Variants in LRRC37A2 observed in about 807,000 individuals in gnomAD.
The protein encoded by LRRC37A2 is leucine-rich repeat-containing protein 37A2.
LRRC37A2 carries 9 observed loss-of-function variants against 68.8 expected under a neutral mutation model. The ratio of observed to expected loss-of-function variants is 0.13; its 90% CI spans 0.08 to 0.23. The LOEUF (loss-of-function observed/expected upper bound fraction) is 0.23, where lower values mean the gene tolerates loss of function less well. Among genes scored for constraint, LRRC37A2 ranks in the 10% least tolerant of loss-of-function variants. The pLI is 1.00. For synonymous variants in LRRC37A2, 63 were observed against 367.6 expected (o/e 0.17, Z 9.48); for missense variants, 168 against 950.4 (o/e 0.18, Z 10.82).
the LRRC37A2 span, among the ~76,000 whole-genome samples, chr17:46,896,404 A>AAG: frequency 1.4e-5 from 1 of 71,822 alleles, no homozygotes; most frequent in Admixed American, 1.5e-4. Context: ...GAAAGAAAGA[A>AAG]AGAAAGAAAG....
chr17:46,748,729 T>C, the LRRC37A2 span, among the ~76,000 whole-genome samples: 1 of 152,214 alleles, frequency 6.6e-6, no homozygotes, highest in Admixed American at 6.5e-5. Context: ...AACACAACTT[T>C]AAACTATGTA....
At chr17:46,858,293 G>A in the LRRC37A2 span, among the ~76,000 whole-genome samples, 3 of 152,002 alleles carry the variant, frequency 2.0e-5, no homozygotes, top group East Asian at 1.9e-4. Flanking sequence ...ATTCCTGCCC[G>A]TGACTTGCCG....
the LRRC37A2 span, chr17:46,936,215 C>A: frequency 2.0e-6 from 2 of 985,306 alleles, no homozygotes; most frequent in African/African-American, 3.5e-5. Flanking sequence ...GTTGATTAGT[C>A]TGCCCTTTCT....
the LRRC37A2 span, among the ~76,000 whole-genome samples, chr17:46,593,032 ACT>A: frequency 2.1e-5 from 2 of 93,404 alleles, no homozygotes; most frequent in African/African-American, 8.3e-5. Flanking sequence ...AGGGCCAAAG[ACT>A]CTGGTTTGGG....
chr17:46,498,563 A>G, the LRRC37A2 span, among the ~76,000 whole-genome samples: 1 of 140,806 alleles, frequency 7.1e-6, no homozygotes, highest in African/African-American at 3.0e-5. Context: ...TCAATCCAGA[A>G]TTCTATATCC....
the LRRC37A2 span, among the ~76,000 whole-genome samples, chr17:46,903,387 G>C: frequency 6.6e-6 from 1 of 152,088 alleles, no homozygotes; most frequent in Non-Finnish European, 1.5e-5. Flanking sequence ...ACCATGAGCT[G>C]AACTGGCAGG....
At chr17:47,020,093 T>C in the LRRC37A2 span, among the ~76,000 whole-genome samples, 1 of 150,862 alleles carries the variant, frequency 6.6e-6, no homozygotes, top group Non-Finnish European at 1.5e-5. Flanking sequence ...TCACCCTCTT[T>C]ACAGCAGCCT....
At chr17:46,416,823 C>T in the LRRC37A2 span, among the ~76,000 whole-genome samples, 1 of 89,526 alleles carries the variant, frequency 1.1e-5, no homozygotes, top group Non-Finnish European at 2.6e-5. Flanking sequence ...ATCGGCCGTT[C>T]GTGGTGGCTC....
At chr17:46,773,646 C>A in the LRRC37A2 span, 19 of 1,458,902 alleles carry the variant, frequency 1.3e-5, no homozygotes, top group East Asian at 3.8e-4. Context: ...CCCCTCCCCC[C>A]CCCTCAGCCC....
the LRRC37A2 span, among the ~76,000 whole-genome samples, chr17:46,715,792 T>C: frequency 6.6e-6 from 1 of 152,258 alleles, no homozygotes; most frequent in Non-Finnish European, 1.5e-5. Context: ...TTATTTAATC[T>C]TCAAATTGTT....
the LRRC37A2 span, among the ~76,000 whole-genome samples, chr17:46,789,629 A>G: frequency 1.3e-5 from 2 of 152,228 alleles, no homozygotes; most frequent in Non-Finnish European, 2.9e-5. Flanking sequence ...AACAAACCAA[A>G]TGACACCATG....
chr17:46,386,229 G>C, the LRRC37A2 span, among the ~76,000 whole-genome samples: 1 of 113,362 alleles, frequency 8.8e-6, no homozygotes, highest in African/African-American at 3.0e-5. Flanking sequence ...CTCCCGAGTA[G>C]CTGGGGCCAC....
the LRRC37A2 span, among the ~76,000 whole-genome samples, chr17:46,889,699 C>A: frequency 2.0e-5 from 3 of 152,146 alleles, no homozygotes; most frequent in Admixed American, 2.0e-4. Flanking sequence ...GCCACAGACA[C>A]CAAGCCCTTG....
the LRRC37A2 span, among the ~76,000 whole-genome samples, chr17:46,875,719 A>G: frequency 6.6e-6 from 1 of 152,250 alleles, no homozygotes; most frequent in East Asian, 1.9e-4. Context: ...GAAGCCCAAC[A>G]TTGTTTGAAA....
chr17:46,679,079 G>A, the LRRC37A2 span, among the ~76,000 whole-genome samples: 1 of 151,958 alleles, frequency 6.6e-6, no homozygotes, highest in Non-Finnish European at 1.5e-5. Context: ...CTAAAGTATA[G>A]TGTTTAACAA....
the LRRC37A2 span, among the ~76,000 whole-genome samples, chr17:46,934,242 C>A: frequency 7.0e-6 from 1 of 143,202 alleles, no homozygotes; most frequent in Admixed American, 6.8e-5. Flanking sequence ...CCTCTCTGGG[C>A]ATTTTTTCAT....
At chr17:46,721,952 A>C in the LRRC37A2 span, 1 of 1,604,446 alleles carries the variant, frequency 6.2e-7, no homozygotes, top group Non-Finnish European at 8.5e-7. Context: ...GATTTTCTGG[A>C]AAGATTTCAG....
At chr17:46,882,674 C>T in the LRRC37A2 span, among the ~76,000 whole-genome samples, 17 of 152,180 alleles carry the variant, frequency 1.1e-4, no homozygotes, top group African/African-American at 3.9e-4. Context: ...CTTTCCGATT[C>T]TTGACTTCGC....
chr17:46,695,209 G>T, the LRRC37A2 span, among the ~76,000 whole-genome samples: 120 of 133,288 alleles, frequency 9.0e-4, no homozygotes, highest in African/African-American at 3.5e-3. Context: ...TTGCGCCACT[G>T]CACTCCAGCC....
Sources: allele counts gnomAD v4.1 joint callset (sites outside exome capture counted in the v4.1 genomes callset), GRCh38; gene constraint gnomAD v4.1.1; transcripts MANE v1.5; gene names NCBI Gene and HGNC (gene_info 2026-07-23, HGNC 2026-07-21).